Variants in XRCC5 observed in about 807,000 individuals in gnomAD.
The protein encoded by XRCC5 is X-ray repair cross complementing 5.
A neutral mutation model predicts 95.7 loss-of-function variants in XRCC5; 12 were observed. The observed-to-expected ratio is 0.13, with a 90% CI of 0.08 to 0.20. The LOEUF is 0.20. XRCC5 is among the 10% of genes least tolerant of loss of function. XRCC5 has a pLI of 1.00. For missense variants in XRCC5, 595 were observed against 873.9 expected (o/e 0.68, Z 4.02); for synonymous variants, 281 against 290.3 (o/e 0.97, Z 0.33).
chr2:216,155,603 G>C (rs1688826671), intron 14 of XRCC5, among the ~76,000 whole-genome samples: 1 of 152,168 alleles, frequency 6.6e-6, no homozygotes, highest in Admixed American at 6.5e-5. Context: ...GGGGAAAATG[G>C]TCTGTAAACA....
At chr2:216,151,993 A>G (rs369839461) in intron 14 of XRCC5, among the ~76,000 whole-genome samples, 26 of 152,328 alleles carry the variant, frequency 1.7e-4, no homozygotes, top group East Asian at 1.5e-3. Flanking sequence ...GATCGAGTGT[A>G]TATCAGCACA....
chr2:216,115,029 A>G (rs1045319718), intron 2 of XRCC5, among the ~76,000 whole-genome samples: 2 of 147,498 alleles, frequency 1.4e-5, no homozygotes, highest in Admixed American at 1.3e-4. Flanking sequence ...TAAAAACTAA[A>G]CAAAGAAGGG....
chr2:216,122,143 C>G lies in XRCC5; in HGVS notation c.573C>G (p.Ser191=). ...GPFRLGGHGP[S]FPLKGITEQQ... The stretch of plus-strand genomic sequence containing the variant: ...TTCGCTTAGGTGGCCATGGGCCTTC[C>G]TTTCCACTAAAAGGAATTACCGAAC... Residue 191 remains serine, a synonymous_variant, in exon 6 of 21, where the codon TCC becomes TCG. Transcript: ENST00000392132. 1 of 1,614,142 alleles carries G rather than the reference C, an allele frequency of 6.2e-7. No homozygotes were observed. The highest frequency in any genetic ancestry group is 8.5e-7 in the Non-Finnish European group (1 of 1,180,006).
intron 13 of XRCC5, 132 bp downstream of exon 13, chr2:216,141,451 A>C (rs1697167345): frequency 1.3e-6 from 1 of 771,828 alleles, no homozygotes; most frequent in Non-Finnish European, 1.9e-6. Flanking sequence ...ATTTAATGGA[A>C]GAATAACATC....
chr2:216,137,657 T>C (rs1697107718), intron 11 of XRCC5, among the ~76,000 whole-genome samples: 1 of 152,134 alleles, frequency 6.6e-6, no homozygotes, highest in South Asian at 2.1e-4. Context: ...GAGGATATGA[T>C]TTTGTTGTGA....
intron 14 of XRCC5, among the ~76,000 whole-genome samples, chr2:216,153,003 C>T (rs1688773549): frequency 1.3e-5 from 2 of 152,086 alleles, no homozygotes. Flanking sequence ...AAAATAGTCC[C>T]CCTAGCTTCT....
chr2:216,160,958 C>T (rs889872867), intron 15 of XRCC5, among the ~76,000 whole-genome samples: 5 of 152,082 alleles, frequency 3.3e-5, no homozygotes, highest in African/African-American at 1.2e-4. Flanking sequence ...CCTCCCGAAG[C>T]ACTGGGATTA....
intron 2 of XRCC5, among the ~76,000 whole-genome samples, 173 bp downstream of exon 2, chr2:216,113,302 A>T (rs1290452348): frequency 6.6e-6 from 1 of 152,136 alleles, no homozygotes; most frequent in South Asian, 2.1e-4. Context: ...CTAGAGTCTG[A>T]TATTTTTTCT....
intron 16 of XRCC5, 37 bp downstream of exon 16, chr2:216,162,085 A>T: frequency 6.4e-7 from 1 of 1,570,428 alleles, no homozygotes; most frequent in Non-Finnish European, 8.8e-7. Context: ...GAAGCTGTTT[A>T]GTTAAGCTAA....
At chr2:216,114,580 G>T (rs1696648750) in intron 2 of XRCC5, among the ~76,000 whole-genome samples, 1 of 151,924 alleles carries the variant, frequency 6.6e-6, no homozygotes, top group Admixed American at 6.6e-5. Flanking sequence ...CCGTCCCTCT[G>T]AAGTGATGAG....
At chr2:216,132,456 T>C in intron 10 of XRCC5, 69 bp downstream of exon 10, 1 of 1,485,920 alleles carries the variant, frequency 6.7e-7, no homozygotes. Flanking sequence ...AGCAAGTTGT[T>C]TGGGGCTTTT....
intron 4 of XRCC5, among the ~76,000 whole-genome samples, chr2:216,118,757 A>T (rs1026082043): frequency 4.6e-5 from 7 of 152,202 alleles, no homozygotes; most frequent in African/African-American, 1.7e-4. Flanking sequence ...CATTCTGCCT[A>T]TGTGGAGGCT....
At chr2:216,204,979 T>G (rs1469034025) in intron 20 of XRCC5, among the ~76,000 whole-genome samples, 4 of 152,236 alleles carry the variant, frequency 2.6e-5, no homozygotes, top group Non-Finnish European at 5.9e-5. Context: ...CTACGTACTA[T>G]GATGTCAATC....
chr2:216,110,464 C>T (rs540312212), intron 1 of XRCC5: 1 of 152,210 alleles, frequency 6.6e-6, no homozygotes, highest in Non-Finnish European at 1.5e-5. Flanking sequence ...CGTCCTCTTT[C>T]AGCTGCTGAA....
At chr2:216,141,099 T>G (rs1157779240) in intron 12 of XRCC5, 87 bp from the exon 13 acceptor site, 3 of 1,520,500 alleles carry the variant, frequency 2.0e-6, no homozygotes, top group Non-Finnish European at 1.8e-6. Context: ...CCTGCCAATA[T>G]TGCCGTGGAT....
chr2:216,193,181 C>T (rs1689650850), intron 18 of XRCC5, among the ~76,000 whole-genome samples: 1 of 152,178 alleles, frequency 6.6e-6, no homozygotes, highest in Admixed American at 6.5e-5. Flanking sequence ...TTTCAACAGA[C>T]CAGCATCTTC....
intron 16 of XRCC5, among the ~76,000 whole-genome samples, chr2:216,170,294 C>G (rs537785237): frequency 6.6e-6 from 1 of 152,190 alleles, no homozygotes; most frequent in East Asian, 1.9e-4. Flanking sequence ...TCTCATGCTA[C>G]ATAGGAAAGT....
chr2:216,124,137 C>G (rs988123507), intron 6 of XRCC5, among the ~76,000 whole-genome samples: 2 of 152,150 alleles, frequency 1.3e-5, no homozygotes, highest in Non-Finnish European at 2.9e-5. Context: ...ACCATCATTG[C>G]AGAAAGTTGT....
At chr2:216,109,712 CCT>C (rs1696550825) in intron 1 of XRCC5, among the ~76,000 whole-genome samples, 1 of 151,494 alleles carries the variant, frequency 6.6e-6, no homozygotes, top group Non-Finnish European at 1.5e-5. Context: ...CCCTCTTCTC[CCT>C]CTCTACCTGC....
Sources: gnomAD v4.1 joint callset for allele counts (sites outside exome capture counted in the v4.1 genomes callset) on GRCh38, gnomAD v4.1.1 for gene constraint, MANE v1.5 for transcripts, NCBI Gene and HGNC (gene_info 2026-07-23, HGNC 2026-07-21) for gene names.